The following OCA2 variants were observed in gnomAD, a reference collection of about 807,000 sequenced individuals.
The protein encoded by OCA2 is P protein.
A neutral mutation model predicts 100.2 loss-of-function variants in OCA2; 77 were observed. The ratio of observed to expected loss-of-function variants is 0.77; its 90% CI spans 0.64 to 0.93. The LOEUF is 0.93. Ranked by LOEUF, OCA2 falls within the 40% of genes least tolerant of loss-of-function variation. The probability of loss-of-function intolerance (pLI) is 0.00; values close to 1 mark genes in which losing one functional copy is unlikely to be tolerated. For missense variants in OCA2, 1,062 were observed against 1,089.1 expected, an observed-to-expected ratio of 0.98 and a Z score of 0.35; for synonymous variants, 432 against 439.2, an observed-to-expected ratio of 0.98 and a Z score of 0.21.
intron 5 of OCA2, 30 bp downstream of exon 5, chr15:28,024,815 C>T (rs369801300): frequency 1.9e-5 from 30 of 1,613,546 alleles, no homozygotes; most frequent in Non-Finnish European, 2.3e-5. Flanking sequence ...ACGGACCCAA[C>T]AGTAGTGCTG....
At chr15:27,768,380 C>G (rs931811560) in intron 23 of OCA2, among the ~76,000 whole-genome samples, 2 of 152,234 alleles carry the variant, frequency 1.3e-5, no homozygotes, top group African/African-American at 4.8e-5. Context: ...CACTCCTCCT[C>G]TCCTGCCCCC....
intron 16 of OCA2, 93 bp from the exon 17 acceptor site, chr15:27,955,308 C>T: frequency 3.3e-6 from 3 of 917,854 alleles, no homozygotes; most frequent in Non-Finnish European, 5.5e-6. Flanking sequence ...TGCCTGGACG[C>T]GGTCTGTGAC....
chr15:28,041,220 C>G (rs965527627), intron 2 of OCA2, among the ~76,000 whole-genome samples: 4 of 149,928 alleles, frequency 2.7e-5, no homozygotes, highest in African/African-American at 1.0e-4. Flanking sequence ...TGGGAAAAAT[C>G]AATCTATGAA....
At chr15:28,050,336 A>G (rs145692369) in intron 2 of OCA2, among the ~76,000 whole-genome samples, 451 of 152,068 alleles carry the variant, frequency 3.0e-3, no homozygotes, top group African/African-American at 8.8e-3. Flanking sequence ...AGGCAAGCAG[A>G]TCACCTGAGG....
intron 23 of OCA2, among the ~76,000 whole-genome samples, chr15:27,775,322 C>T (rs1324727233): frequency 6.6e-6 from 1 of 152,210 alleles, no homozygotes; most frequent in Non-Finnish European, 1.5e-5. Flanking sequence ...TCCCCTCTAA[C>T]TGCAGGGGCC....
intron 1 of OCA2, among the ~76,000 whole-genome samples, chr15:28,093,295 G>A (rs140696049): frequency 3.9e-5 from 6 of 151,980 alleles, no homozygotes; most frequent in Admixed American, 2.6e-4. Context: ...GGTGGCGGGC[G>A]CCTGTAATCC....
intron 2 of OCA2, among the ~76,000 whole-genome samples, chr15:28,070,100 TCTGGGAGGTGAGGAGCGTCTCTGCCC>T (rs1365086470): frequency 9.1e-6 from 1 of 110,232 alleles, no homozygotes; most frequent in Non-Finnish European, 1.6e-5. Context: ...CGAGACCCCG[TCTGGGAGGTGAGGAGCGTCTCTGCCC>T]GGCCGCCCCG....
chr15:27,808,998 A>G (rs924315), intron 23 of OCA2, among the ~76,000 whole-genome samples: 110,994 of 152,008 alleles, frequency 0.73, 41,888 homozygotes, highest in East Asian at 1. Context: ...TGACCTTCAG[A>G]GGCATCCAGC....
chr15:28,004,765 ACACACACACCCTCGCTGTGACT>A lies in OCA2; in HGVS notation c.1044+9989_1044+10010del, dbSNP rs548541163. 7.4e-3 allele frequency among the ~76,000 whole-genome samples: 1,124 copies of A among 152,122 alleles called. 17 individuals are homozygous for A. Among genetic ancestry groups the A allele is most frequent in the African/African-American group, 0.026 (1,071 of 41,468 alleles). ...CAATCACACACAGACACATGGTCTC[ACACACACACCCTCGCTGTGACT>A]CACACACAGCCTCACATGCACTTAA... On this transcript the variant is annotated intron_variant, in intron 9 of 23. Coordinates refer to ENST00000354638, the MANE Select transcript of OCA2 (RefSeq NM_000275.3).
At chr15:27,940,398 T>C (rs892884261) in intron 18 of OCA2, among the ~76,000 whole-genome samples, 1 of 152,142 alleles carries the variant, frequency 6.6e-6, no homozygotes, top group Non-Finnish European at 1.5e-5. Context: ...CATGAGCAAA[T>C]GAGACACACA....
At chr15:27,925,640 G>C (rs1202392269) in intron 19 of OCA2, among the ~76,000 whole-genome samples, 1 of 152,186 alleles carries the variant, frequency 6.6e-6, no homozygotes, top group Non-Finnish European at 1.5e-5. Flanking sequence ...CTTTCTGTTT[G>C]AGGAGGACAC....
At chr15:27,913,887 GAAAGAAAGC>G (rs2038533223) in intron 19 of OCA2, among the ~76,000 whole-genome samples, 1 of 48,876 alleles carries the variant, frequency 2.0e-5, no homozygotes, top group Non-Finnish European at 3.7e-5. Context: ...AAGAAAGAAA[GAAAGAAAGC>G]AAGCAAGCAA....
chr15:27,721,415 T>C, the OCA2 span, among the ~76,000 whole-genome samples: 1 of 152,182 alleles, frequency 6.6e-6, no homozygotes, highest in Non-Finnish European at 1.5e-5. Flanking sequence ...CATCACATTA[T>C]ACGTGACACT....
intron 23 of OCA2, among the ~76,000 whole-genome samples, chr15:27,839,773 A>C (rs2035279460): frequency 6.6e-6 from 1 of 152,352 alleles, no homozygotes; most frequent in African/African-American, 2.4e-5. Flanking sequence ...AAAATAAGTA[A>C]GGATATAAAT....
At chr15:27,871,720 C>T (rs550224971) in intron 20 of OCA2, 143 bp downstream of exon 20, 10 of 694,462 alleles carry the variant, frequency 1.4e-5, no homozygotes, top group African/African-American at 3.6e-5. Context: ...CTCTGGGCTG[C>T]ACAGGATAGA....
chr15:27,953,975 G>T (rs537860315), intron 17 of OCA2, among the ~76,000 whole-genome samples: 2 of 151,988 alleles, frequency 1.3e-5, no homozygotes, highest in East Asian at 3.9e-4. Flanking sequence ...TGTCCTCATA[G>T]GTTGGCTCCC....
chr15:27,906,280 A>C (rs1439725180), intron 19 of OCA2, among the ~76,000 whole-genome samples: 1 of 152,190 alleles, frequency 6.6e-6, no homozygotes, highest in Non-Finnish European at 1.5e-5. Context: ...TCAAAATATC[A>C]CATGTCCCCC....
At chr15:27,815,192 C>T (rs911673160) in intron 23 of OCA2, among the ~76,000 whole-genome samples, 8 of 152,116 alleles carry the variant, frequency 5.3e-5, no homozygotes, top group African/African-American at 1.4e-4. Flanking sequence ...GCTTCCCATT[C>T]GCCGCAATGC....
intron 23 of OCA2, among the ~76,000 whole-genome samples, chr15:27,795,175 G>C (rs994916948): frequency 6.6e-6 from 1 of 152,148 alleles, no homozygotes; most frequent in African/African-American, 2.4e-5. Context: ...TGGGTGAAAA[G>C]AGTTTAAATA....
Sources: allele counts gnomAD v4.1 joint callset (sites outside exome capture counted in the v4.1 genomes callset), GRCh38; gene constraint gnomAD v4.1.1; transcripts MANE v1.5; gene names NCBI Gene and HGNC (gene_info 2026-07-23, HGNC 2026-07-21).